VTA1: variants seen among roughly 807,000 people sequenced by gnomAD.
The protein encoded by VTA1 is vesicle trafficking 1.
VTA1 carries 24 observed loss-of-function variants against 36.9 expected under a neutral mutation model. That is an observed-to-expected ratio of 0.65 (90% CI 0.47 to 0.91). VTA1 has a LOEUF of 0.91. Ranked by LOEUF, VTA1 falls within the 40% of genes least tolerant of loss-of-function variation. VTA1 has a pLI of 0.00. For missense variants in VTA1, 393 were observed against 377.2 expected, an observed-to-expected ratio of 1.04 and a Z score of -0.35; for synonymous variants, 142 against 130.2, an observed-to-expected ratio of 1.09 and a Z score of -0.62.
At chr6:142,195,595 C>CTTTTT (rs72442499) in intron 5 of VTA1, among the ~76,000 whole-genome samples, 9 of 70,702 alleles carry the variant, frequency 1.3e-4, no homozygotes, top group Non-Finnish European at 1.7e-4. Context: ...GTTTAATTTG[C>CTTTTT]TTTTTTTTTT....
chr6:142,177,725 A>G (rs1186054481), intron 4 of VTA1, among the ~76,000 whole-genome samples: 2 of 152,164 alleles, frequency 1.3e-5, no homozygotes, highest in African/African-American at 4.8e-5. Flanking sequence ...CTAAATGTGT[A>G]TTCATTGCTA....
intron 5 of VTA1, among the ~76,000 whole-genome samples, chr6:142,195,818 AT>A (rs1775534663): frequency 6.6e-6 from 1 of 151,956 alleles, no homozygotes; most frequent in East Asian, 1.9e-4. Flanking sequence ...ATATTCTTTA[AT>A]TTCAGAATGT....
At chr6:142,169,506 C>G (rs1402661963) in intron 2 of VTA1, 44 bp from the exon 3 acceptor site, 4 of 1,581,852 alleles carry the variant, frequency 2.5e-6, no homozygotes, top group Non-Finnish European at 3.4e-6. Context: ...GTCAACACTT[C>G]TGAGAGTCCA....
chr6:142,157,583 TCAGATAA>T (rs1382979998), intron 1 of VTA1, among the ~76,000 whole-genome samples: 1 of 152,056 alleles, frequency 6.6e-6, no homozygotes. Flanking sequence ...GGCTGTGGAG[TCAGATAA>T]CAGATTCTTA....
At chr6:142,212,939 T>C (rs1049038219) in intron 7 of VTA1, among the ~76,000 whole-genome samples, 1 of 152,178 alleles carries the variant, frequency 6.6e-6, no homozygotes, top group African/African-American at 2.4e-5. Flanking sequence ...CCAAATCATA[T>C]CATTCTGTTC....
intron 1 of VTA1, among the ~76,000 whole-genome samples, chr6:142,164,770 G>A (rs952264904): frequency 3.3e-5 from 5 of 152,094 alleles, no homozygotes; most frequent in Non-Finnish European, 7.4e-5. Flanking sequence ...ATATTATAAT[G>A]AATGATAAAA....
chr6:142,180,630 A>G lies in VTA1; in HGVS notation c.412-8796A>G, dbSNP rs569530602. On this transcript the variant is annotated intron_variant, in intron 4 of 7. Transcript: ENST00000367630. ...GATATCAGAGGAAAATAGTAATTCA[A>G]TAATGAGAAAACTTGTAACACACCT... 1.8e-4 allele frequency among the ~76,000 whole-genome samples: 27 copies of G among 152,332 alleles called. No homozygotes were observed. The South Asian group carries it at 3.9e-3, about 22-fold the overall frequency.
intron 5 of VTA1, among the ~76,000 whole-genome samples, chr6:142,189,970 G>C (rs1775421799): frequency 6.6e-6 from 1 of 152,092 alleles, no homozygotes; most frequent in Non-Finnish European, 1.5e-5. Context: ...TGTTAGACAG[G>C]ATGGTCTCGA....
chr6:142,157,563 A>G (rs9496286), intron 1 of VTA1, among the ~76,000 whole-genome samples: 1 of 152,126 alleles, frequency 6.6e-6, no homozygotes, highest in African/African-American at 2.4e-5. Context: ...AAAAACCGTA[A>G]AGTTGAAGGG....
intron 7 of VTA1, among the ~76,000 whole-genome samples, chr6:142,215,487 A>G (rs1775990231): frequency 6.6e-6 from 1 of 152,148 alleles, no homozygotes; most frequent in Non-Finnish European, 1.5e-5. Context: ...ATATCTGAAT[A>G]GTATTTAGCA....
chr6:142,211,200 A>T (rs1005071761), intron 7 of VTA1, among the ~76,000 whole-genome samples: 1 of 152,170 alleles, frequency 6.6e-6, no homozygotes, highest in Non-Finnish European at 1.5e-5. Context: ...TGAAAGTGGA[A>T]AAAAAAGAAT....
At chr6:142,151,340 T>TG (rs1324523862) in intron 1 of VTA1, among the ~76,000 whole-genome samples, 1 of 152,210 alleles carries the variant, frequency 6.6e-6, no homozygotes, top group Non-Finnish European at 1.5e-5. Context: ...TGCAGTATTC[T>TG]GAATTCTCAA....
At chr6:142,205,946 A>G (rs1359691042) in intron 7 of VTA1, among the ~76,000 whole-genome samples, 1 of 152,224 alleles carries the variant, frequency 6.6e-6, no homozygotes, top group African/African-American at 2.4e-5. Flanking sequence ...TTAGACACAA[A>G]GAACATTCTC....
chr6:142,161,681 T>G (rs965982359), intron 1 of VTA1, among the ~76,000 whole-genome samples: 2 of 152,116 alleles, frequency 1.3e-5, no homozygotes, highest in Admixed American at 1.3e-4. Flanking sequence ...ATTTGTTCTG[T>G]TTTTGTAGGT....
intron 1 of VTA1, among the ~76,000 whole-genome samples, chr6:142,163,822 G>A (rs1047745642): frequency 4.6e-5 from 7 of 151,824 alleles, no homozygotes; most frequent in Non-Finnish European, 1.0e-4. Flanking sequence ...AAAAAACATT[G>A]AATACAAATC....
At chr6:142,162,500 T>C (rs1324593755) in intron 1 of VTA1, among the ~76,000 whole-genome samples, 2 of 152,194 alleles carry the variant, frequency 1.3e-5, no homozygotes, top group African/African-American at 4.8e-5. Flanking sequence ...CTGATGTGTA[T>C]GTATGATTGG....
At chr6:142,200,053 C>T (rs1202698540) in intron 6 of VTA1, among the ~76,000 whole-genome samples, 1 of 151,990 alleles carries the variant, frequency 6.6e-6, no homozygotes, top group African/African-American at 2.4e-5. Flanking sequence ...ATAGAGGAGC[C>T]AAGGGGAAAT....
chr6:142,220,558 C>T lies in VTA1; in HGVS notation c.*1915C>T, dbSNP rs1776090276. 6.6e-6 allele frequency: 1 copy of T among 152,106 alleles called. No individual in the cohort carries two copies. The highest frequency in any genetic ancestry group is 1.5e-5 in the Non-Finnish European group (1 of 68,016). The allele number at this position is 152,106 out of a possible 1,614,324, so 9.4% of individuals were successfully genotyped here. ...ACCTGAAGTGCTTAGCGCATGGTAG[C>T]ATTTCATAAATGTTTAGTGTCAATA... On this transcript the variant is annotated 3_prime_UTR_variant, in exon 8 of 8. Transcript: ENST00000367630.
At chr6:142,157,658 TTCTA>T (rs1234641915) in intron 1 of VTA1, among the ~76,000 whole-genome samples, 3 of 152,160 alleles carry the variant, frequency 2.0e-5, no homozygotes, top group African/African-American at 7.2e-5. Context: ...AAGGTTTGTC[TTCTA>T]TGACAATTAT....
Sources: allele counts gnomAD v4.1 joint callset (sites outside exome capture counted in the v4.1 genomes callset), GRCh38; gene constraint gnomAD v4.1.1; transcripts MANE v1.5; gene names NCBI Gene and HGNC (gene_info 2026-07-23, HGNC 2026-07-21).